Variants in DPP6 observed in about 807,000 individuals in gnomAD.
DPP6 encodes the protein dipeptidyl peptidase like 6, also known as A-type potassium channel modulatory protein DPP6.
Under a neutral mutation model 122.6 loss-of-function variants are expected in DPP6, and 69 were observed. That is an observed-to-expected ratio of 0.56 (90% CI 0.46 to 0.69). The LOEUF (loss-of-function observed/expected upper bound fraction) is 0.69, where lower values mean the gene tolerates loss of function less well. Ranked by LOEUF, DPP6 falls within the 30% of genes least tolerant of loss-of-function variation. DPP6 has a pLI of 0.00. For synonymous variants in DPP6, 418 were observed against 433.1 expected (o/e 0.97, Z 0.43); for missense variants, 928 against 1,116.9 (o/e 0.83, Z 2.41).
intron 1 of DPP6, among the ~76,000 whole-genome samples, chr7:154,041,649 A>T (rs531869878): frequency 8.3e-4 from 127 of 152,288 alleles, no homozygotes; most frequent in African/African-American, 3.0e-3. Flanking sequence ...GGGGGATTTT[A>T]TCTGGGTGGG....
At chr7:154,190,050 G>A (rs747150695) in intron 1 of DPP6, among the ~76,000 whole-genome samples, 1 of 152,154 alleles carries the variant, frequency 6.6e-6, no homozygotes, top group African/African-American at 2.4e-5. Flanking sequence ...AAAGCTGGAA[G>A]TTAATAAATA....
At chr7:154,663,797 T>A (rs1837939269) in intron 6 of DPP6, among the ~76,000 whole-genome samples, 2 of 124,608 alleles carry the variant, frequency 1.6e-5, no homozygotes, top group South Asian at 6.3e-4. Context: ...GCCATAGTGT[T>A]CATATAGTCA....
intron 1 of DPP6, among the ~76,000 whole-genome samples, chr7:154,211,403 A>G (rs1799734714): frequency 6.6e-6 from 1 of 152,114 alleles, no homozygotes; most frequent in African/African-American, 2.4e-5. Context: ...TTTTCCAGCG[A>G]GCACCCCTCA....
rs533221898 is a variant in DPP6 at position 154,637,249 on chromosome 7, G to A, written c.628-572G>A. Among the ~76,000 whole-genome samples the A allele has an allele frequency of 3.3e-4, 50 of 152,252 alleles. No homozygotes were observed. The South Asian group carries it at 7.5e-3, about 23-fold the overall frequency. Reference sequence around the variant, plus strand: ...TTTCTGTTACCTCCATTTTAAAGCCGTGATACTTCCAACTGCCCTTTTTTC... The same window carrying A: ...TTTCTGTTACCTCCATTTTAAAGCCATGATACTTCCAACTGCCCTTTTTTC... On this transcript the variant is annotated intron_variant, in intron 5 of 25. Coordinates refer to ENST00000377770, the MANE Select transcript of DPP6 (RefSeq NM_130797.4).
Position 154,769,472 on chromosome 7 carries a change from C to G in DPP6, c.939C>G (p.Leu313=). 3 of 1,613,710 alleles carry G rather than the reference C, an allele frequency of 1.9e-6. No homozygotes were observed. The highest frequency in any genetic ancestry group is 1.7e-6 in the Non-Finnish European group (2 of 1,179,818). The part of the protein sequence containing the change: ...AHWWSPDGTR[L]AYAAINDSRV... ...GGTGGTCTCCGGATGGCACGAGACT[C>G]GCCTACGCCGCCATCAATGATTCCC... The change falls in exon 9 of 26, where the codon CTC becomes CTG. Residue 313 remains leucine, a synonymous_variant. Coordinates refer to ENST00000377770, the MANE Select transcript of DPP6 (RefSeq NM_130797.4).
the DPP6 span, among the ~76,000 whole-genome samples, chr7:153,750,217 G>T: frequency 6.6e-6 from 1 of 152,174 alleles, no homozygotes; most frequent in African/African-American, 2.4e-5. Context: ...GTAATATCGA[G>T]CATTTTCTTC....
the DPP6 span, among the ~76,000 whole-genome samples, chr7:153,831,561 A>G: frequency 4.9e-4 from 74 of 152,354 alleles, no homozygotes; most frequent in Middle Eastern, 3.4e-3. Flanking sequence ...TCTGTGTCAC[A>G]ATGACCCCCT....
the DPP6 span, among the ~76,000 whole-genome samples, chr7:153,780,367 T>A: frequency 1.2e-4 from 18 of 152,066 alleles, no homozygotes; most frequent in South Asian, 4.2e-4. Flanking sequence ...ACCTTTTTTT[T>A]AAAAACAAAT....
At chr7:154,223,811 GA>G (rs888323308) in intron 1 of DPP6, among the ~76,000 whole-genome samples, 1 of 148,798 alleles carries the variant, frequency 6.7e-6, no homozygotes, top group Admixed American at 6.6e-5. Context: ...TGCACACAGG[GA>G]AAATCCTCTT....
intron 16 of DPP6, among the ~76,000 whole-genome samples, chr7:154,835,165 T>C (rs561726772): frequency 1.3e-5 from 2 of 152,198 alleles, no homozygotes; most frequent in South Asian, 4.2e-4. Context: ...ATGTAACTAA[T>C]TAAAGTGAGG....
chr7:154,658,482 G>A (rs181950711), intron 6 of DPP6, among the ~76,000 whole-genome samples: 83 of 152,350 alleles, frequency 5.4e-4, no homozygotes, highest in African/African-American at 1.9e-3. Context: ...GAAAGGGGAT[G>A]CCTGGTCATT....
intron 10 of DPP6, among the ~76,000 whole-genome samples, chr7:154,779,928 G>A (rs1282170590): frequency 3.9e-5 from 6 of 152,102 alleles, no homozygotes; most frequent in Non-Finnish European, 4.4e-5. Flanking sequence ...TTTTTTGGAC[G>A]TGGTCTGGAT....
chr7:154,564,538 TATTTA>T (rs1830620304), intron 4 of DPP6, among the ~76,000 whole-genome samples: 1 of 152,234 alleles, frequency 6.6e-6, no homozygotes, highest in African/African-American at 2.4e-5. Context: ...TGGCAATACC[TATTTA>T]ATTTTAAAAT....
intron 1 of DPP6, among the ~76,000 whole-genome samples, chr7:154,145,681 G>T (rs1158116391): frequency 2.7e-4 from 33 of 121,706 alleles, no homozygotes; most frequent in Non-Finnish European, 1.7e-5. Context: ...GCAGACAGCG[G>T]TTTGGCTAAC....
At chr7:153,861,789 A>G in the DPP6 span, among the ~76,000 whole-genome samples, 2 of 152,232 alleles carry the variant, frequency 1.3e-5, no homozygotes, top group African/African-American at 4.8e-5. Flanking sequence ...CAAGCTCCAC[A>G]GGAGCATTCA....
intron 2 of DPP6, among the ~76,000 whole-genome samples, chr7:154,449,594 A>G (rs1820176548): frequency 6.6e-6 from 1 of 152,236 alleles, no homozygotes; most frequent in Admixed American, 6.5e-5. Context: ...GTATAGACTC[A>G]CGAAAACTGG....
At chr7:154,301,538 T>C (rs1303870516) in intron 1 of DPP6, among the ~76,000 whole-genome samples, 1 of 152,174 alleles carries the variant, frequency 6.6e-6, no homozygotes, top group Non-Finnish European at 1.5e-5. Context: ...ATTTGCCAGT[T>C]GTTAACCTTC....
At chr7:154,334,673 A>T (rs2151045757) in intron 1 of DPP6, among the ~76,000 whole-genome samples, 1 of 152,334 alleles carries the variant, frequency 6.6e-6, no homozygotes, top group South Asian at 2.1e-4. Context: ...GCGGTGGCAG[A>T]TCACTTGAGG....
intron 1 of DPP6, among the ~76,000 whole-genome samples, chr7:154,219,456 C>T (rs1800180895): frequency 6.6e-6 from 1 of 152,218 alleles, no homozygotes. Context: ...TGCTCATGAA[C>T]ATCTGGCATT....
Sources: gnomAD v4.1 joint callset for allele counts (sites outside exome capture counted in the v4.1 genomes callset) on GRCh38, gnomAD v4.1.1 for gene constraint, MANE v1.5 for transcripts, NCBI Gene and HGNC (gene_info 2026-07-23, HGNC 2026-07-21) for gene names.